The following LUZP2 variants were observed in gnomAD, a reference collection of about 807,000 sequenced individuals.
The protein encoded by LUZP2 is leucine zipper protein 2.
LUZP2 carries 52 observed loss-of-function variants against 51.6 expected under a neutral mutation model. The ratio of observed to expected loss-of-function variants is 1.01; its 90% CI spans 0.81 to 1.27. The LOEUF is 1.27. LUZP2 is among the 50% of genes most tolerant of loss of function. The probability of loss-of-function intolerance (pLI) is 0.00; values close to 1 mark genes in which losing one functional copy is unlikely to be tolerated. For synonymous variants in LUZP2, 154 were observed against 137.3 expected (o/e 1.12, Z -0.85); for missense variants, 436 against 395.4 (o/e 1.10, Z -0.87).
At chr11:24,831,028 AAAG>A (rs1273636632) in intron 5 of LUZP2, among the ~76,000 whole-genome samples, 6 of 152,030 alleles carry the variant, frequency 3.9e-5, no homozygotes, top group African/African-American at 7.2e-5. Flanking sequence ...AATAAAATAA[AAAG>A]AAGAAGAAGC....
chr11:24,841,761 G>T (rs116376319), intron 5 of LUZP2, among the ~76,000 whole-genome samples: 2,095 of 152,168 alleles, frequency 0.014, 54 homozygotes, highest in African/African-American at 0.046. Context: ...GGCCCTAGCA[G>T]GTTAGAGTTG....
intron 1 of LUZP2, among the ~76,000 whole-genome samples, chr11:24,549,492 A>G (rs190044375): frequency 1.3e-5 from 2 of 152,242 alleles, no homozygotes; most frequent in Non-Finnish European, 2.9e-5. Flanking sequence ...CAAGTATAAT[A>G]TAGCAAATAC....
intron 6 of LUZP2, among the ~76,000 whole-genome samples, chr11:24,912,305 A>G (rs564472962): frequency 1.3e-5 from 2 of 150,632 alleles, no homozygotes; most frequent in East Asian, 2.0e-4. Flanking sequence ...TCCTGATTCA[A>G]TGGATCATGA....
chr11:24,728,974 C>T (rs1002007385), intron 1 of LUZP2, among the ~76,000 whole-genome samples, 195 bp from the exon 2 acceptor site: 1 of 151,978 alleles, frequency 6.6e-6, no homozygotes, highest in Non-Finnish European at 1.5e-5. Flanking sequence ...CTAGCCCTCA[C>T]TGGGAAATGA....
chr11:24,513,590 A>G (rs1440833308), intron 1 of LUZP2, among the ~76,000 whole-genome samples: 5 of 152,302 alleles, frequency 3.3e-5, no homozygotes, highest in Non-Finnish European at 4.4e-5. Context: ...TAGGATCTAT[A>G]TAATACGTGA....
chr11:24,826,190 A>AAAAAAAAATATATAT lies in LUZP2; in HGVS notation c.396+62883_396+62884insAAAAAAATATATATA, dbSNP rs1215786412. Among the ~76,000 whole-genome samples, 122 of 67,548 alleles carry AAAAAAAAATATATAT rather than the reference A, an allele frequency of 1.8e-3. 2 individuals are homozygous for AAAAAAAAATATATAT. Among genetic ancestry groups the AAAAAAAAATATATAT allele is most frequent in the Non-Finnish European group, 2.5e-3 (95 of 38,182 alleles). The allele number at this position is 67,548 out of a possible 152,430, so 44.3% of individuals were successfully genotyped here. A position where few individuals can be genotyped will look rare whatever the true frequency, so the allele number is the denominator to read the frequency against. ...GACTCCATCTCAAAAAAAAAAAAAAAATATATATATATATATATAGTAAAA... is the reference window on the plus strand; with the variant it reads ...GACTCCATCTCAAAAAAAAAAAAAAAAAAAAAAATATATATATATATATATATATATATAGTAAAA... On this transcript the variant is annotated intron_variant, in intron 5 of 11. Transcript: ENST00000336930.
chr11:24,900,857 C>A (rs532785201), intron 5 of LUZP2, among the ~76,000 whole-genome samples: 13 of 152,292 alleles, frequency 8.5e-5, no homozygotes, highest in Admixed American at 2.0e-4. Context: ...GCCTGATTTG[C>A]AAATCATTCT....
chr11:24,527,567 T>TCTCACACACACACACACA (rs796404136), intron 1 of LUZP2, among the ~76,000 whole-genome samples: 1 of 131,558 alleles, frequency 7.6e-6, no homozygotes, highest in African/African-American at 2.9e-5. Context: ...TCTCTCTCTC[T>TCTCACACACACACACACA]CACACACACA....
chr11:24,729,130 C>A (rs778739061), intron 1 of LUZP2, 39 bp from the exon 2 acceptor site: 1 of 1,095,184 alleles, frequency 9.1e-7, no homozygotes, highest in East Asian at 2.7e-5. Context: ...CCAAGTGGAA[C>A]CATTTGGGGG....
chr11:25,047,228 A>T (rs528791682), intron 9 of LUZP2, among the ~76,000 whole-genome samples: 8 of 152,078 alleles, frequency 5.3e-5, no homozygotes, highest in Non-Finnish European at 7.4e-5. Context: ...TCCTCAAAGC[A>T]TCTGCAAGTT....
intron 1 of LUZP2, among the ~76,000 whole-genome samples, chr11:24,502,743 A>G (rs1303951857): frequency 3.9e-5 from 6 of 152,196 alleles, no homozygotes; most frequent in Non-Finnish European, 7.3e-5. Context: ...AAAATCTGGA[A>G]TATTTAACTT....
At chr11:24,910,418 A>G (rs1035510669) in intron 6 of LUZP2, among the ~76,000 whole-genome samples, 2 of 152,084 alleles carry the variant, frequency 1.3e-5, no homozygotes, top group African/African-American at 4.8e-5. Context: ...GAGGTCTAGG[A>G]GGGAAAAATG....
At chr11:24,679,559 A>C (rs1193188351) in intron 1 of LUZP2, among the ~76,000 whole-genome samples, 1 of 152,066 alleles carries the variant, frequency 6.6e-6, no homozygotes, top group Non-Finnish European at 1.5e-5. Flanking sequence ...CCATTTTAAG[A>C]TTTTTTAAAT....
chr11:25,059,223 A>C (rs999399911), intron 10 of LUZP2, among the ~76,000 whole-genome samples: 4 of 152,194 alleles, frequency 2.6e-5, no homozygotes, highest in Admixed American at 2.0e-4. Context: ...AGTATAAAGA[A>C]GCGTTTAATA....
intron 1 of LUZP2, among the ~76,000 whole-genome samples, chr11:24,537,533 G>A (rs963559300): frequency 2.0e-5 from 3 of 151,768 alleles, no homozygotes; most frequent in African/African-American, 7.2e-5. Flanking sequence ...AAATGTACGT[G>A]CTATATTTAA....
intron 7 of LUZP2, among the ~76,000 whole-genome samples, chr11:24,938,117 A>C (rs75578191): frequency 6.6e-6 from 1 of 152,116 alleles, no homozygotes; most frequent in South Asian, 2.1e-4. Context: ...GAAGAAAAAA[A>C]CCCAAATAAC....
intron 1 of LUZP2, among the ~76,000 whole-genome samples, chr11:24,546,471 T>C: frequency 6.6e-6 from 1 of 151,994 alleles, no homozygotes; most frequent in Non-Finnish European, 1.5e-5. Context: ...TTCTTGAGGT[T>C]TTTTAACATA....
chr11:24,865,711 T>C (rs1213427462), intron 5 of LUZP2, among the ~76,000 whole-genome samples: 2 of 51,212 alleles, frequency 3.9e-5, no homozygotes, highest in African/African-American at 4.7e-5. Context: ...TATGTTTGTG[T>C]ATATATATAT....
intron 5 of LUZP2, among the ~76,000 whole-genome samples, chr11:24,843,378 G>T (rs1012235721): frequency 6.6e-6 from 1 of 151,942 alleles, no homozygotes; most frequent in East Asian, 1.9e-4. Flanking sequence ...AACAATTTTA[G>T]CCTGAAGTTA....
Sources: gnomAD v4.1 joint callset for allele counts (sites outside exome capture counted in the v4.1 genomes callset) on GRCh38, gnomAD v4.1.1 for gene constraint, MANE v1.5 for transcripts, NCBI Gene and HGNC (gene_info 2026-07-23, HGNC 2026-07-21) for gene names.